CEP76: variants seen among roughly 807,000 people sequenced by gnomAD.
The protein encoded by CEP76 is centrosomal protein of 76 kDa.
CEP76 carries 55 observed loss-of-function variants against 83.3 expected under a neutral mutation model. The observed-to-expected ratio is 0.66, with a 90% CI of 0.53 to 0.83. The LOEUF (loss-of-function observed/expected upper bound fraction) is 0.83, where lower values mean the gene tolerates loss of function less well. Ranked by LOEUF, CEP76 falls within the 40% of genes least tolerant of loss-of-function variation. The pLI, the probability that CEP76 is intolerant of heterozygous loss-of-function variation, is 0.00. For missense variants in CEP76, 694 were observed against 799.5 expected (o/e 0.87, Z 1.59); for synonymous variants, 270 against 274.5 (o/e 0.98, Z 0.16).
chr18:12,697,807 C>A (rs1263567557), intron 4 of CEP76, among the ~76,000 whole-genome samples: 1 of 150,130 alleles, frequency 6.7e-6, no homozygotes, highest in East Asian at 1.9e-4. Flanking sequence ...TGACATACAA[C>A]TGAAAAATAC....
At chr18:12,684,290 GTTT>G (rs1297378831) in intron 8 of CEP76, 3 of 151,558 alleles carry the variant, frequency 2.0e-5, no homozygotes, top group Non-Finnish European at 4.4e-5. Flanking sequence ...AATTTTTATA[GTTT>G]TTTAGAGAGA....
intron 2 of CEP76, 97 bp from the exon 3 acceptor site, chr18:12,700,002 A>T (rs2040097430): frequency 1.5e-6 from 1 of 687,160 alleles, no homozygotes; most frequent in Non-Finnish European, 2.4e-6. Context: ...CCTAAAGTCA[A>T]CAGGGTAAGG....
At chr18:12,669,323 G>T (rs988923043), downstream of CEP76, among the ~76,000 whole-genome samples, 2 of 151,900 alleles carry the variant, frequency 1.3e-5, no homozygotes, top group Non-Finnish European at 2.9e-5. Context: ...TGTTGGTCAG[G>T]CTGGTCTCGA....
In CEP76 at chr18:12,700,952, ACT is replaced by A. The variant is rs770657795; in HGVS notation, c.219+4_219+5del. 10 of 1,608,102 alleles carry A rather than the reference ACT, an allele frequency of 6.2e-6. No homozygotes were observed. The highest frequency in any genetic ancestry group is 6.8e-6 in the Non-Finnish European group (8 of 1,175,334). ...CTCTCATTTATTTCCCTAAAAGATT[ACT>A]CACAGTAACAAAATTAAGTTCTTTC... On this transcript the variant is annotated splice_donor_5th_base_variant and intron_variant, in intron 2 of 11. Transcript: ENST00000262127.
chr18:12,688,454 C>A (rs1048347415), intron 7 of CEP76, among the ~76,000 whole-genome samples: 4 of 152,130 alleles, frequency 2.6e-5, no homozygotes, highest in African/African-American at 9.7e-5. Context: ...AGGACTGTTA[C>A]TCCTATTCTT....
chr18:12,694,735 G>T (rs1193445681), intron 6 of CEP76, among the ~76,000 whole-genome samples: 1 of 123,366 alleles, frequency 8.1e-6, no homozygotes, highest in African/African-American at 2.6e-5. Flanking sequence ...TTTTTGAGAT[G>T]GAGTCTTGCT....
rs77907473 is a variant in CEP76 at position 12,690,375 on chromosome 18, A to G, written c.933+984T>C. Among the ~76,000 whole-genome samples the G allele has an allele frequency of 8.8e-3, 1,345 of 152,308 alleles. 27 individuals carry two copies. The highest frequency in any genetic ancestry group is 0.03 in the African/African-American group (1,238 of 41,572). ...TACTACACTATACTTATATGAAAGC[A>G]TCTGTATGAGGCTGAATATATACAA... On this transcript the variant is annotated intron_variant, in intron 7 of 11. Coordinates refer to ENST00000262127, the MANE Select transcript of CEP76 (RefSeq NM_024899.4).
chr18:12,682,215 A>C (rs2039376433), intron 8 of CEP76, among the ~76,000 whole-genome samples: 1 of 151,826 alleles, frequency 6.6e-6, no homozygotes, highest in African/African-American at 2.4e-5. Flanking sequence ...CCCAGGCTGG[A>C]GTGCAGTGGC....
intron 6 of CEP76, among the ~76,000 whole-genome samples, chr18:12,694,948 C>A (rs2039898726): frequency 6.6e-6 from 1 of 151,870 alleles, no homozygotes; most frequent in Non-Finnish European, 1.5e-5. Context: ...ATCTCCTGAC[C>A]TTGTGATCCG....
chr18:12,694,356 G>A (rs2039874523), intron 6 of CEP76, among the ~76,000 whole-genome samples: 1 of 152,148 alleles, frequency 6.6e-6, no homozygotes, highest in Non-Finnish European at 1.5e-5. Context: ...TAATCAAGGA[G>A]AACCATTCCA....
intron 12 of CEP76, chr18:12,662,265 A>C (rs1406189970): frequency 2.4e-6 from 1 of 420,314 alleles, no homozygotes; most frequent in Non-Finnish European, 4.7e-6. Context: ...TACCTTATAC[A>C]TCTGTAGTGC....
Position 12,702,559 on chromosome 18 carries a change from G to A in CEP76, c.-11C>T, listed in dbSNP as rs1464678719. ...CGGAGGCAGCGACATGCTGGCAGCC[G>A]GCGTCTCCCCGCCGCTTCTCCCCGC... On this transcript the variant is annotated 5_prime_UTR_variant, in exon 1 of 12. Transcript: ENST00000262127. The A allele has an allele frequency of 6.4e-7, 1 of 1,569,396 alleles. No individual in the cohort carries two copies. Among genetic ancestry groups the A allele is most frequent in the East Asian group, 2.4e-5 (1 of 42,106 alleles).
At position 12,702,664 on chromosome 18, in the gene CEP76, C is replaced by T; in HGVS notation, c.-116G>A. On this transcript the variant is annotated 5_prime_UTR_variant, in exon 1 of 12. Transcript: ENST00000262127. Reference sequence around the variant, plus strand: ...TGGAGCACAAAGCGCCGCAGCCGTTCGCCTAGCGCAGCTCCCGGGGGACGC... The same window carrying T: ...TGGAGCACAAAGCGCCGCAGCCGTTTGCCTAGCGCAGCTCCCGGGGGACGC... 6 of 1,214,640 alleles carry T rather than the reference C, an allele frequency of 4.9e-6. No individual in the cohort carries two copies. Among genetic ancestry groups the T allele is most frequent in the Non-Finnish European group, 5.6e-6 (5 of 891,932 alleles). The allele number at this position is 1,214,640 out of a possible 1,614,324, so 75.2% of individuals were successfully genotyped here.
intron 9 of CEP76, chr18:12,679,154 G>A (rs1221131552): frequency 6.6e-6 from 1 of 152,052 alleles, no homozygotes; most frequent in East Asian, 1.9e-4. Flanking sequence ...AGAACAGCCA[G>A]AGAGGAATAA....
At position 12,680,690 on chromosome 18, in the gene CEP76, T is replaced by C; in HGVS notation, c.1261A>G (p.Thr421Ala). The stretch of plus-strand genomic sequence containing the variant: ...TGTCCTGTTAAACTCTCCCAAAAAG[T>C]GATGGCCCCATCAGTTCCACAAGTC... ...VMTCGTDGAI[T>A]FWESLTGHRY... Residue 421 changes from threonine to alanine, a missense_variant, in exon 9 of 12, where the codon ACT becomes GCT. Physicochemically the swap from Thr to Ala is moderately conservative, Grantham distance 58. Transcript: ENST00000262127. 2 of 1,612,670 alleles carry C rather than the reference T, an allele frequency of 1.2e-6. No individual in the cohort carries two copies. Among genetic ancestry groups the C allele is most frequent in the Non-Finnish European group, 1.7e-6 (2 of 1,179,496 alleles).
chr18:12,665,313 G>T (rs1259483169), intron 12 of CEP76, among the ~76,000 whole-genome samples: 1 of 152,192 alleles, frequency 6.6e-6, no homozygotes, highest in Non-Finnish European at 1.5e-5. Flanking sequence ...TGTGGTCCCA[G>T]CTACTCGGGA....
chr18:12,662,263 A>AC, intron 12 of CEP76: 2 of 422,508 alleles, frequency 4.7e-6, no homozygotes, highest in Admixed American at 5.6e-5. Flanking sequence ...AATACCTTAT[A>AC]CATCTGTAGT....
chr18:12,687,017 G>C (rs1568021805), intron 7 of CEP76, among the ~76,000 whole-genome samples: 1 of 152,086 alleles, frequency 6.6e-6, no homozygotes, highest in Non-Finnish European at 1.5e-5. Flanking sequence ...CTAAATACAG[G>C]ATATCTCCTG....
At chr18:12,676,467 G>T (rs1304790597) in intron 10 of CEP76, among the ~76,000 whole-genome samples, 2 of 143,788 alleles carry the variant, frequency 1.4e-5, no homozygotes, top group Non-Finnish European at 3.1e-5. Context: ...TAGAGATAGG[G>T]TCTCACCACG....
Sources: allele counts gnomAD v4.1 joint callset (sites outside exome capture counted in the v4.1 genomes callset), GRCh38; gene constraint gnomAD v4.1.1; transcripts MANE v1.5; gene names NCBI Gene and HGNC (gene_info 2026-07-23, HGNC 2026-07-21).